Variants in MECR observed in about 807,000 individuals in gnomAD.
MECR encodes mitochondrial trans-2-enoyl-CoA reductase.
In MECR, 37 loss-of-function variants were observed where a neutral mutation model predicts 49.1. The ratio of observed to expected loss-of-function variants is 0.75; its 90% CI spans 0.58 to 0.99. The LOEUF is 0.99. Among genes scored for constraint, MECR ranks in the 50% least tolerant of loss-of-function variants. The pLI is 0.00. For synonymous variants in MECR, 198 were observed against 191.1 expected, an observed-to-expected ratio of 1.04 and a Z score of -0.30; for missense variants, 470 against 479.6, an observed-to-expected ratio of 0.98 and a Z score of 0.19.
At chr1:29,198,282 G>GT (rs1674492573) in intron 7 of MECR, among the ~76,000 whole-genome samples, 3 of 152,200 alleles carry the variant, frequency 2.0e-5, no homozygotes, top group Admixed American at 2.0e-4. Flanking sequence ...CTGGGGACCC[G>GT]TGTTAGACCA....
At chr1:29,190,654 G>A (rs563167242), downstream of MECR, among the ~76,000 whole-genome samples, 1 of 151,654 alleles carries the variant, frequency 6.6e-6, no homozygotes, top group East Asian at 2.0e-4. Context: ...AACTAGCTGG[G>A]CGTGGTGGCA....
intron 1 of MECR, among the ~76,000 whole-genome samples, chr1:29,217,426 A>G (rs2151900207): frequency 6.6e-6 from 1 of 152,022 alleles, no homozygotes; most frequent in Admixed American, 6.6e-5. Context: ...TATGTTGGCC[A>G]GGCTGGTCTT....
Position 29,201,536 on chromosome 1 carries a change from G to C in MECR, c.756+407C>G. On this transcript the variant is annotated intron_variant, in intron 6 of 9. Coordinates refer to ENST00000263702, the MANE Select transcript of MECR (RefSeq NM_016011.5). This position sits in a 1 kb window ranked among gnomAD's most constrained non-coding sequence, Gnocchi z 4.3. ...TTCCTAATCTGTAAAACAGATAACA[G>C]TTCCTTTGAAAAGCTTTTGTGGAAA... is the stretch of plus-strand genomic sequence containing the variant. 1 of 459,796 alleles carries C rather than the reference G, an allele frequency of 2.2e-6. No homozygotes were observed. Among genetic ancestry groups the C allele is most frequent in the South Asian group, 1.6e-5 (1 of 61,238 alleles). 28.5% of individuals were successfully genotyped at this position (459,796 alleles called of 1,614,324 possible). A position where few individuals can be genotyped will look rare whatever the true frequency, so the allele number is the denominator to read the frequency against.
intron 1 of MECR, among the ~76,000 whole-genome samples, chr1:29,226,952 CTTTTTTTTTT>C (rs890320572): frequency 1.0e-5 from 1 of 99,720 alleles, no homozygotes; most frequent in Non-Finnish European, 2.0e-5. Flanking sequence ...TGGGAACTAT[CTTTTTTTTTT>C]TTTTTTTTTT....
At position 29,194,288 on chromosome 1, in the gene MECR, C is replaced by G. The variant is rs114829749; in HGVS notation, c.965-109G>C. 4.1e-4 allele frequency: 507 copies of G among 1,232,914 alleles called. 2 individuals are homozygous for G. The African/African-American group carries it at 6.7e-3, about 16-fold the overall frequency. 76.4% of individuals were successfully genotyped at this position (1,232,914 alleles called of 1,614,324 possible). A position where few individuals can be genotyped will look rare whatever the true frequency, so the allele number is the denominator to read the frequency against. On this transcript the variant is annotated intron_variant, in intron 9 of 9. Coordinates refer to ENST00000263702, the MANE Select transcript of MECR (RefSeq NM_016011.5). ...AGCTGGCACCAAGCTCCAATAAAGC[C>G]TTGAGAGTCCTGGCTGTGCCAAGGA...
At chr1:29,225,703 G>A (rs532067331) in intron 1 of MECR, among the ~76,000 whole-genome samples, 1 of 152,228 alleles carries the variant, frequency 6.6e-6, no homozygotes, top group African/African-American at 2.4e-5. Flanking sequence ...AACCCAAAAT[G>A]CTATTTTTTC....
the MECR span, among the ~76,000 whole-genome samples, chr1:29,175,694 C>CAAAAAAAAAAAAA: frequency 5.2e-5 from 2 of 38,588 alleles, no homozygotes; most frequent in African/African-American, 2.6e-4. Context: ...GACGCTGTCT[C>CAAAAAAAAAAAAA]AAAAAAAAAA....
the MECR span, among the ~76,000 whole-genome samples, chr1:29,174,279 G>T: frequency 2.6e-4 from 39 of 152,146 alleles, no homozygotes; most frequent in Non-Finnish European, 2.8e-4. Context: ...CCGAGTAATG[G>T]AATAGCTAGC....
At chr1:29,181,008 A>G in the MECR span, among the ~76,000 whole-genome samples, 1 of 152,228 alleles carries the variant, frequency 6.6e-6, no homozygotes, top group African/African-American at 2.4e-5. Flanking sequence ...ACGGAGTCTT[A>G]AAGATAAGAA....
At chr1:29,177,982 C>T in the MECR span, among the ~76,000 whole-genome samples, 2 of 149,416 alleles carry the variant, frequency 1.3e-5, no homozygotes, top group East Asian at 2.0e-4. Flanking sequence ...TCACTGCAAC[C>T]TCCACCTCCC....
intron 7 of MECR, 53 bp downstream of exon 7, chr1:29,200,463 C>T: frequency 6.5e-7 from 1 of 1,541,698 alleles, no homozygotes; most frequent in Non-Finnish European, 8.9e-7. Flanking sequence ...GTCCTCCCAG[C>T]TAAAGACCTG....
At chr1:29,226,821 G>C (rs1256331016) in intron 1 of MECR, among the ~76,000 whole-genome samples, 1 of 152,036 alleles carries the variant, frequency 6.6e-6, no homozygotes, top group South Asian at 2.1e-4. Flanking sequence ...TTAGTCCAAT[G>C]CTTGCTATAC....
chr1:29,230,917 A>G lies in MECR; in HGVS notation c.-11T>C, dbSNP rs970248618. ...ACTGCAGACCCACATGCTCGCTCCA[A>G]CCAACACAGAGCCTGACGCCCCGGC... On this transcript the variant is annotated 5_prime_UTR_variant, in exon 1 of 10. Coordinates refer to ENST00000263702, the MANE Select transcript of MECR (RefSeq NM_016011.5). The G allele has an allele frequency of 6.3e-7, 1 of 1,588,422 alleles. No individual in the cohort carries two copies. The highest frequency in any genetic ancestry group is 8.5e-7 in the Non-Finnish European group (1 of 1,172,218).
At chr1:29,216,788 C>A in intron 1 of MECR, 103 bp from the exon 2 acceptor site, 1 of 1,583,650 alleles carries the variant, frequency 6.3e-7, no homozygotes, top group Non-Finnish European at 8.6e-7. Context: ...TTCTGAGCTG[C>A]CATGTGTGCC....
chr1:29,214,761 C>T (rs528108325), intron 3 of MECR, among the ~76,000 whole-genome samples: 123 of 152,278 alleles, frequency 8.1e-4, no homozygotes, highest in African/African-American at 2.9e-3. Context: ...AGAAAGAATC[C>T]AGTGGGCACT....
intron 3 of MECR, 151 bp from the exon 4 acceptor site, chr1:29,207,056 G>A (rs936767019): frequency 1.7e-5 from 13 of 759,374 alleles, no homozygotes; most frequent in Non-Finnish European, 2.7e-5. Context: ...AGAAAAAGAA[G>A]AAAATCTGGA....
At chr1:29,178,177 G>C in the MECR span, among the ~76,000 whole-genome samples, 1 of 152,006 alleles carries the variant, frequency 6.6e-6, no homozygotes, top group African/African-American at 2.4e-5. Flanking sequence ...TGGGATTACA[G>C]GTGTGAGCCA....
chr1:29,218,515 A>C (rs1230197489), intron 1 of MECR, among the ~76,000 whole-genome samples: 1 of 152,262 alleles, frequency 6.6e-6, no homozygotes, highest in Admixed American at 6.5e-5. Context: ...TACTTCCTGC[A>C]GAAATCTGAC....
intron 5 of MECR, 82 bp downstream of exon 5, chr1:29,203,049 G>A: frequency 8.5e-7 from 1 of 1,170,372 alleles, no homozygotes; most frequent in Non-Finnish European, 1.2e-6. Flanking sequence ...GGCGCCCTCT[G>A]GTGGACAACT....
Sources: allele counts gnomAD v4.1 joint callset (sites outside exome capture counted in the v4.1 genomes callset), GRCh38; gene constraint gnomAD v4.1.1; non-coding constraint Gnocchi (gnomAD v3.1); transcripts MANE v1.5; gene names NCBI Gene and HGNC (gene_info 2026-07-23, HGNC 2026-07-21).